Variants in LAMB2 observed in about 807,000 individuals in gnomAD.
LAMB2 encodes laminin subunit beta 2.
Under a neutral mutation model 202.7 loss-of-function variants are expected in LAMB2, and 119 were observed. The observed-to-expected ratio is 0.59, with a 90% CI of 0.51 to 0.68. LAMB2 has a LOEUF of 0.68. Among genes scored for constraint, LAMB2 ranks in the 30% least tolerant of loss-of-function variants. The probability of loss-of-function intolerance (pLI) is 0.00; values close to 1 mark genes in which losing one functional copy is unlikely to be tolerated. For synonymous variants in LAMB2, 818 were observed against 902.2 expected (o/e 0.91, Z 1.67); for missense variants, 2,124 against 2,410.6 (o/e 0.88, Z 2.49).
chr3:49,128,426 GC>G (rs762117426), intron 15 of LAMB2, 31 bp downstream of exon 15: 2 of 1,609,470 alleles, frequency 1.2e-6, no homozygotes, highest in Non-Finnish European at 1.7e-6. Flanking sequence ...ACAACCCCCT[GC>G]CATTGTGAGT....
Position 49,124,586 on chromosome 3 carries a change from T to C in LAMB2, c.3136A>G (p.Asn1046Asp). Residue 1046 changes from asparagine to aspartate, a missense_variant, in exon 22 of 32, where the codon AAT becomes GAT. Around this residue, in one of 3 missense-constraint regions of LAMB2, gnomAD observed 1,702 missense variants for 1,896.3 expected, o/e 0.90. Coordinates refer to ENST00000305544, the MANE Select transcript of LAMB2 (RefSeq NM_002292.4). The stretch of plus-strand genomic sequence containing the variant: ...TCAGGAGATGGGCACTGCTGCGGAT[T>C]TGTGCCCAGCAGGTTGCATGTGCAG... Reference protein sequence around the residue: ...HRCTCNLLGTNPQQCPSPDQC... With the variant: ...HRCTCNLLGTDPQQCPSPDQC... 1 of 1,613,732 alleles carries C rather than the reference T, an allele frequency of 6.2e-7. No individual in the cohort carries two copies. The highest frequency in any genetic ancestry group is 2.2e-5 in the East Asian group (1 of 44,882).
At position 49,123,647 on chromosome 3, in the gene LAMB2, G is replaced by A. The variant is rs373780035; in HGVS notation, c.3798-16C>T. 52 of 1,613,936 alleles carry A rather than the reference G, an allele frequency of 3.2e-5. No homozygotes were observed. Among genetic ancestry groups the A allele is most frequent in the South Asian group, 7.7e-5 (7 of 91,084 alleles). On this transcript the variant is annotated splice_polypyrimidine_tract_variant and intron_variant, in intron 24 of 31. Transcript: ENST00000305544. The stretch of plus-strand genomic sequence containing the variant: ...AATTTCACGCCTGCAATGATGGAGA[G>A]GGGGGTGTTTAGAGAGGCTTCAGCC...
chr3:49,129,405 C>T lies in LAMB2; in HGVS notation c.1519-81G>A. ...CCAGCAGGAAATCCCAACCACACGT[C>T]TTAGCCTCAATCACCCCTCAGTGAA... is the stretch of plus-strand genomic sequence containing the variant. On this transcript the variant is annotated intron_variant, in intron 11 of 31. Coordinates refer to ENST00000305544, the MANE Select transcript of LAMB2 (RefSeq NM_002292.4). This position sits in a 1 kb window ranked among gnomAD's most constrained non-coding sequence, Gnocchi z 6.1. 1 of 1,312,414 alleles carries T rather than the reference C, an allele frequency of 7.6e-7. No individual in the cohort carries two copies. Among genetic ancestry groups the T allele is most frequent in the East Asian group, 2.4e-5 (1 of 41,810 alleles). 81.3% of individuals were successfully genotyped at this position (1,312,414 alleles called of 1,614,324 possible).
In LAMB2 at chr3:49,123,469, C is replaced by A; in HGVS notation, c.3960G>T (p.Leu1320Phe). ...TLRQLDQHLD[L>F]LKHSNFLGAY... Reference sequence around the variant, plus strand: ...CACCCAGGAAGTTTGAATGTTTGAGCAAGTCAAGATGCTGGTCGAGCTGCC... The same window carrying A: ...CACCCAGGAAGTTTGAATGTTTGAGAAAGTCAAGATGCTGGTCGAGCTGCC... Residue 1320 changes from leucine (L) to phenylalanine (F), a missense_variant, in exon 25 of 32, where the codon TTG becomes TTT. Physicochemically the swap from Leu to Phe is conservative, Grantham distance 22 (BLOSUM62 0). Around this residue, in one of 3 missense-constraint regions of LAMB2, gnomAD observed 1,702 missense variants for 1,896.3 expected, o/e 0.90. Coordinates refer to ENST00000305544, the MANE Select transcript of LAMB2 (RefSeq NM_002292.4). The A allele has an allele frequency of 6.2e-7, 1 of 1,614,162 alleles. No homozygotes were observed. The highest frequency in any genetic ancestry group is 8.5e-7 in the Non-Finnish European group (1 of 1,180,050).
Position 49,132,562 on chromosome 3 carries a change from C to A in LAMB2, c.178G>T (p.Asp60Tyr). Residue 60 changes from aspartate (D) to tyrosine (Y), a missense_variant, in exon 2 of 32, where the codon GAC becomes TAC. Asp to Tyr is a radical substitution (Grantham distance 160). Around this residue, in one of 3 missense-constraint regions of LAMB2, gnomAD observed 166 missense variants for 158.2 expected, o/e 1.05. Transcript: ENST00000305544. This position sits in a 1 kb window ranked among gnomAD's most constrained non-coding sequence, Gnocchi z 4.6. Reference sequence around the variant, plus strand: ...CAAGTGGATGAGGCAGTCAGTCTGTCAGCTCGGCCCACCAGCAGGTCGCCC... The same window carrying A: ...CAAGTGGATGAGGCAGTCAGTCTGTAAGCTCGGCCCACCAGCAGGTCGCCC... Reference protein sequence around the residue: ...ATGDLLVGRADRLTASSTCGL... With the variant: ...ATGDLLVGRAYRLTASSTCGL... 6.2e-7 allele frequency: 1 copy of A among 1,613,726 alleles called. No homozygotes were observed. The highest frequency in any genetic ancestry group is 8.5e-7 in the Non-Finnish European group (1 of 1,180,028).
Position 49,125,172 on chromosome 3 carries a change from G to A in LAMB2, c.2721-3C>T. 1 of 1,613,526 alleles carries A rather than the reference G, an allele frequency of 6.2e-7. No individual in the cohort carries two copies. The highest frequency in any genetic ancestry group is 8.5e-7 in the Non-Finnish European group (1 of 1,179,916). On this transcript the variant is annotated splice_polypyrimidine_tract_variant and splice_region_variant and intron_variant, in intron 19 of 31. Coordinates refer to ENST00000305544, the MANE Select transcript of LAMB2 (RefSeq NM_002292.4). The stretch of plus-strand genomic sequence containing the variant: ...CCCCGTGGAAACCAGCAATGCACCT[G>A]CAGGGAGGAGGAAGAAGAAATGTGT...
chr3:49,128,309 C>T, intron 15 of LAMB2, 149 bp downstream of exon 15: 1 of 1,046,946 alleles, frequency 9.6e-7, no homozygotes, highest in Non-Finnish European at 1.4e-6. Flanking sequence ...CAGAGCCATG[C>T]CCAACAGGGC....
chr3:49,127,046 C>T (rs535252536), intron 15 of LAMB2, among the ~76,000 whole-genome samples: 10 of 152,176 alleles, frequency 6.6e-5, no homozygotes, highest in Admixed American at 2.6e-4. Context: ...GAGTACAGTG[C>T]GTGACCTTGG....
chr3:49,131,530 C>T lies in LAMB2; in HGVS notation c.648+5G>A. On this transcript the variant is annotated splice_donor_5th_base_variant and intron_variant, in intron 5 of 31. Transcript: ENST00000305544. This position sits in a 1 kb window ranked among gnomAD's most constrained non-coding sequence, Gnocchi z 5.0. ...CCAGCCCCCAGCCCAGATGCCAGCCCTCACCTCGCCTTCAGTGGATGGCTC... is the reference window on the plus strand; with the variant it reads ...CCAGCCCCCAGCCCAGATGCCAGCCTTCACCTCGCCTTCAGTGGATGGCTC... The T allele has an allele frequency of 6.2e-7, 1 of 1,614,008 alleles. No homozygotes were observed. Among genetic ancestry groups the T allele is most frequent in the Non-Finnish European group, 8.5e-7 (1 of 1,180,032 alleles).
chr3:49,126,390 G>C lies in LAMB2; in HGVS notation c.2126C>G (p.Ser709Cys), dbSNP rs1294395900. ...GGSAQPETPY[S>C]GPGLLIDSLV... Reference sequence around the variant, plus strand: ...CGAGTCAATGAGCAGGCCAGGTCCAGAGTAGGGAGTCTCAGGCTGGGCACT... The same window carrying C: ...CGAGTCAATGAGCAGGCCAGGTCCACAGTAGGGAGTCTCAGGCTGGGCACT... Residue 709 changes from serine (S) to cysteine (C), a missense_variant, in exon 16 of 32, where the codon TCT (serine) becomes TGT (cysteine). Around this residue, in one of 3 missense-constraint regions of LAMB2, gnomAD observed 1,702 missense variants for 1,896.3 expected, o/e 0.90. Transcript: ENST00000305544. The C allele has an allele frequency of 6.2e-7, 1 of 1,614,208 alleles. No individual in the cohort carries two copies. The highest frequency in any genetic ancestry group is 1.1e-5 in the South Asian group (1 of 91,086).
chr3:49,133,014 G>A lies in LAMB2; in HGVS notation c.-147C>T. Reference sequence around the variant, plus strand: ...CTGTCAGTTCCCAGGTCTGTCCAGCGGTCCCTCCGACAGCTTAGAGTCCAG... The same window carrying A: ...CTGTCAGTTCCCAGGTCTGTCCAGCAGTCCCTCCGACAGCTTAGAGTCCAG... On this transcript the variant is annotated 5_prime_UTR_variant, in exon 1 of 32. Coordinates refer to ENST00000305544, the MANE Select transcript of LAMB2 (RefSeq NM_002292.4). The A allele has an allele frequency of 1.4e-6, 1 of 709,184 alleles. No individual in the cohort carries two copies. The highest frequency in any genetic ancestry group is 2.5e-6 in the Non-Finnish European group (1 of 401,540). The allele number at this position is 709,184 out of a possible 1,614,324, so 43.9% of individuals were successfully genotyped here. A position where few individuals can be genotyped will look rare whatever the true frequency, so the allele number is the denominator to read the frequency against.
chr3:49,128,848 G>A, intron 13 of LAMB2, 29 bp from the exon 14 acceptor site: 1 of 1,608,532 alleles, frequency 6.2e-7, no homozygotes, highest in Non-Finnish European at 8.5e-7. Context: ...AGGGATGGAG[G>A]CTCAGGTGAG....
Position 49,131,823 on chromosome 3 carries a change from C to A in LAMB2, c.460-100G>T. ...AGCCCAAGACTGCCCTCAAATAGCTCACAGAGAGTGGGGGTGACTGGTGGA... is the reference window on the plus strand; with the variant it reads ...AGCCCAAGACTGCCCTCAAATAGCTAACAGAGAGTGGGGGTGACTGGTGGA... On this transcript the variant is annotated intron_variant, in intron 4 of 31. Coordinates refer to ENST00000305544, the MANE Select transcript of LAMB2 (RefSeq NM_002292.4). The surrounding 1 kb of genome is among the most constrained non-coding windows in gnomAD (Gnocchi z 5.0). 1 of 1,284,036 alleles carries A rather than the reference C, an allele frequency of 7.8e-7. No individual in the cohort carries two copies. The highest frequency in any genetic ancestry group is 1.1e-6 in the Non-Finnish European group (1 of 907,782). 79.5% of individuals were successfully genotyped at this position (1,284,036 alleles called of 1,614,324 possible).
At position 49,123,720 on chromosome 3, in the gene LAMB2, T is replaced by C; in HGVS notation, c.3797+8A>G. Reference sequence around the variant, plus strand: ...CATCCCACCATGTATTCTTAGGCCCTTCCGCACCGCAGCTCCTCTGTGGCC... The same window carrying C: ...CATCCCACCATGTATTCTTAGGCCCCTCCGCACCGCAGCTCCTCTGTGGCC... On this transcript the variant is annotated splice_region_variant and intron_variant, in intron 24 of 31. Transcript: ENST00000305544. 6.2e-7 allele frequency: 1 copy of C among 1,613,526 alleles called. No individual in the cohort carries two copies. Among genetic ancestry groups the C allele is most frequent in the Non-Finnish European group, 8.5e-7 (1 of 1,180,044 alleles).
intron 15 of LAMB2, among the ~76,000 whole-genome samples, chr3:49,127,912 C>T (rs1301979422): frequency 1.4e-5 from 2 of 145,582 alleles, no homozygotes; most frequent in African/African-American, 2.6e-5. Context: ...CCCAGCTACT[C>T]GGGATGCTGA....
chr3:49,132,296 C>T lies in LAMB2; in HGVS notation c.359G>A (p.Arg120Gln), dbSNP rs767595866. The change falls in exon 3 of 32, where the codon CGG becomes CAG. Residue 120 changes from arginine to glutamine, a missense_variant. Arg to Gln is a conservative substitution (Grantham distance 43). Coordinates refer to ENST00000305544, the MANE Select transcript of LAMB2 (RefSeq NM_002292.4). This position sits in a 1 kb window ranked among gnomAD's most constrained non-coding sequence, Gnocchi z 4.6. ...NVVTSFAPQRRAAWWQSENGI... is the reference protein window; with the variant it reads ...NVVTSFAPQRQAAWWQSENGI... ...ATTCTCTGACTGCCACCAGGCTGCCCGCCGCTGTGGTGCAAAGCTGGTGAC... is the reference window on the plus strand; with the variant it reads ...ATTCTCTGACTGCCACCAGGCTGCCTGCCGCTGTGGTGCAAAGCTGGTGAC... The T allele has an allele frequency of 3.9e-5, 63 of 1,614,094 alleles. No homozygotes were observed. The highest frequency in any genetic ancestry group is 8.3e-5 in the Admixed American group (5 of 59,998).
intron 15 of LAMB2, among the ~76,000 whole-genome samples, chr3:49,128,028 A>G (rs1442545236): frequency 1.3e-5 from 2 of 150,508 alleles, no homozygotes; most frequent in East Asian, 3.9e-4. Flanking sequence ...CAAAAAAAAA[A>G]AAAAAAAAAA....
At position 49,129,443 on chromosome 3, in the gene LAMB2, A is replaced by C; in HGVS notation, c.1519-119T>G. ...ACCCCTCAGTGAAAACATGCCCCCC[A>C]GACCACTGGCCCACATCCTTGGCCT... is the stretch of plus-strand genomic sequence containing the variant. On this transcript the variant is annotated intron_variant, in intron 11 of 31. Transcript: ENST00000305544. The surrounding 1 kb of genome is among the most constrained non-coding windows in gnomAD (Gnocchi z 6.1). The C allele has an allele frequency of 1.8e-6, 2 of 1,122,566 alleles. No homozygotes were observed. Among genetic ancestry groups the C allele is most frequent in the Non-Finnish European group, 2.6e-6 (2 of 756,468 alleles). The allele number at this position is 1,122,566 out of a possible 1,614,324, so 69.5% of individuals were successfully genotyped here.
Position 49,129,992 on chromosome 3 carries a change from G to A in LAMB2, c.1252C>T (p.Gln418Ter). 1 of 1,614,018 alleles carries A rather than the reference G, an allele frequency of 6.2e-7. No homozygotes were observed. The highest frequency in any genetic ancestry group is 8.5e-7 in the Non-Finnish European group (1 of 1,180,024). The change falls in exon 10 of 32, where the codon CAA (glutamine) becomes TAA (stop). Residue 418 changes from glutamine to a stop codon, truncating the protein, a stop_gained. Transcript: ENST00000305544. LOFTEE classifies it high-confidence loss of function. The surrounding 1 kb of genome is among the most constrained non-coding windows in gnomAD (Gnocchi z 6.1). The part of the protein sequence containing the change: ...RSCDCDPMGS[Q>*]DGGRCDSHDD... ...TGGGAATCACAGCGACCACCGTCTT[G>A]AGAACCCATGGGGTCACAATCACAG...
Sources: allele counts gnomAD v4.1 joint callset (sites outside exome capture counted in the v4.1 genomes callset), GRCh38; gene constraint gnomAD v4.1.1; regional missense constraint gnomAD v4.1.1; non-coding constraint Gnocchi (gnomAD v3.1); transcripts MANE v1.5; gene names NCBI Gene and HGNC (gene_info 2026-07-23, HGNC 2026-07-21).